The following CLSTN2 variants were observed in gnomAD, a reference collection of about 807,000 sequenced individuals.
CLSTN2 encodes the protein calsyntenin-2.
Under a neutral mutation model 101.2 loss-of-function variants are expected in CLSTN2, and 48 were observed. That is an observed-to-expected ratio of 0.47 (90% CI 0.38 to 0.60). The LOEUF (loss-of-function observed/expected upper bound fraction) is 0.60, where lower values mean the gene tolerates loss of function less well. Among genes scored for constraint, CLSTN2 ranks in the 20% least tolerant of loss-of-function variants. CLSTN2 has a pLI of 0.00. For synonymous variants in CLSTN2, 481 were observed against 463.6 expected (o/e 1.04, Z -0.48); for missense variants, 1,160 against 1,238.2 (o/e 0.94, Z 0.95).
chr3:140,429,691 A>G (rs960835991), intron 5 of CLSTN2, among the ~76,000 whole-genome samples: 1 of 152,158 alleles, frequency 6.6e-6, no homozygotes, highest in Non-Finnish European at 1.5e-5. Context: ...GACTCAGGGG[A>G]GGGAGACCAG....
intron 1 of CLSTN2, among the ~76,000 whole-genome samples, chr3:139,996,392 G>T (rs2006659141): frequency 6.6e-6 from 1 of 151,606 alleles, no homozygotes; most frequent in Non-Finnish European, 1.5e-5. Context: ...AGCATTTGTT[G>T]TTTTTTGTTT....
At position 140,268,090 on chromosome 3, in the gene CLSTN2, G is replaced by A. The variant is rs148874105; in HGVS notation, c.232+92017G>A. The stretch of plus-strand genomic sequence containing the variant: ...AGTGCCAAGCTCTGAGCTTGGAGGC[G>A]AAAAGAGCTATCGGGGTGAACCGCT... On this transcript the variant is annotated intron_variant, in intron 2 of 16. Coordinates refer to ENST00000458420, the MANE Select transcript of CLSTN2 (RefSeq NM_022131.3). 6.2e-4 allele frequency among the ~76,000 whole-genome samples: 95 copies of A among 152,282 alleles called. 1 individual carries two copies. The East Asian group carries it at 0.015, about 23-fold the overall frequency.
intron 1 of CLSTN2, among the ~76,000 whole-genome samples, chr3:140,138,765 A>G (rs893109709): frequency 6.6e-6 from 1 of 152,172 alleles, no homozygotes; most frequent in Non-Finnish European, 1.5e-5. Flanking sequence ...GGCCTTCTAG[A>G]AAAGAGGGAG....
chr3:140,540,241 C>T (rs75258026), intron 9 of CLSTN2, among the ~76,000 whole-genome samples: 3 of 152,078 alleles, frequency 2.0e-5, no homozygotes, highest in Non-Finnish European at 4.4e-5. Context: ...ATTCACTGTA[C>T]TGCTATATAA....
At chr3:140,046,035 G>A (rs568268236) in intron 1 of CLSTN2, among the ~76,000 whole-genome samples, 28 of 152,284 alleles carry the variant, frequency 1.8e-4, no homozygotes, top group African/African-American at 5.1e-4. Context: ...TATTAGGTCC[G>A]CTTGGTGCAG....
At chr3:139,970,336 A>G (rs535114038) in intron 1 of CLSTN2, among the ~76,000 whole-genome samples, 1 of 152,300 alleles carries the variant, frequency 6.6e-6, no homozygotes, top group Non-Finnish European at 1.5e-5. Flanking sequence ...GATGCTCTCC[A>G]TACGCTGCCA....
chr3:140,504,213 T>A (rs532710258), intron 8 of CLSTN2, among the ~76,000 whole-genome samples: 2 of 152,294 alleles, frequency 1.3e-5, no homozygotes, highest in South Asian at 4.1e-4. Context: ...AGTTAACAGA[T>A]GAATGAATGA....
At chr3:140,465,352 A>G (rs1439568014) in intron 7 of CLSTN2, among the ~76,000 whole-genome samples, 1 of 152,218 alleles carries the variant, frequency 6.6e-6, no homozygotes, top group Non-Finnish European at 1.5e-5. Flanking sequence ...GAAGGAAAGT[A>G]TCTCTTCTGT....
intron 8 of CLSTN2, among the ~76,000 whole-genome samples, chr3:140,513,583 C>CTTTTTTTTTTTTTT (rs55778787): frequency 2.7e-4 from 32 of 117,756 alleles, no homozygotes; most frequent in East Asian, 4.8e-4. Context: ...TTTTTTCTTT[C>CTTTTTTTTTTTTTT]TTTTTTTTTT....
chr3:140,318,736 C>T (rs2107922110), intron 2 of CLSTN2, among the ~76,000 whole-genome samples: 1 of 152,272 alleles, frequency 6.6e-6, no homozygotes, highest in South Asian at 2.1e-4. Flanking sequence ...CCAGTCTGTG[C>T]TGGGAGATCT....
chr3:140,020,210 G>T (rs1332080763), intron 1 of CLSTN2, among the ~76,000 whole-genome samples: 1 of 152,186 alleles, frequency 6.6e-6, no homozygotes, highest in Non-Finnish European at 1.5e-5. Context: ...TGGTAATGCT[G>T]AGAAGCGAAC....
chr3:140,078,700 A>C (rs1183850349), intron 1 of CLSTN2, among the ~76,000 whole-genome samples: 4 of 152,206 alleles, frequency 2.6e-5, no homozygotes, highest in African/African-American at 9.7e-5. Flanking sequence ...AGAAAAGGAA[A>C]ACGGTGCAGG....
At chr3:140,262,810 A>C (rs1035237789) in intron 2 of CLSTN2, among the ~76,000 whole-genome samples, 2 of 152,186 alleles carry the variant, frequency 1.3e-5, no homozygotes, top group South Asian at 2.1e-4. Context: ...CAGATTCTCC[A>C]GTAGAATGTT....
At chr3:140,211,427 G>GTATATA (rs879873578) in intron 2 of CLSTN2, among the ~76,000 whole-genome samples, 15 of 20,390 alleles carry the variant, frequency 7.4e-4, no homozygotes, top group Admixed American at 2.4e-3. Context: ...CACACACACA[G>GTATATA]TATATATATA....
intron 2 of CLSTN2, among the ~76,000 whole-genome samples, chr3:140,300,962 G>A (rs1484562413): frequency 6.6e-6 from 1 of 152,134 alleles, no homozygotes; most frequent in Non-Finnish European, 1.5e-5. Context: ...GACCAGAGGT[G>A]CTGATGATGT....
chr3:140,225,598 A>ACT (rs2086311621), intron 2 of CLSTN2, among the ~76,000 whole-genome samples: 15 of 152,160 alleles, frequency 9.9e-5, no homozygotes, highest in Admixed American at 6.5e-4. Context: ...CCCGGGTTCA[A>ACT]GTGATTCTTC....
chr3:140,007,436 G>C (rs889964350), intron 1 of CLSTN2, among the ~76,000 whole-genome samples: 1 of 152,182 alleles, frequency 6.6e-6, no homozygotes, highest in Non-Finnish European at 1.5e-5. Flanking sequence ...GCTGCATTTC[G>C]ACGGGGCAGC....
chr3:140,474,271 C>T (rs1933927745), intron 8 of CLSTN2, among the ~76,000 whole-genome samples: 2 of 152,096 alleles, frequency 1.3e-5, no homozygotes, highest in African/African-American at 2.4e-5. Context: ...CTCTTCTGTA[C>T]ACCAGTGTAT....
chr3:140,505,761 C>G (rs898808453), intron 8 of CLSTN2: 1 of 152,170 alleles, frequency 6.6e-6, no homozygotes, highest in Admixed American at 6.5e-5. Flanking sequence ...CCTCTGTTCT[C>G]CTAGAGACAG....
Sources: allele counts gnomAD v4.1 joint callset (sites outside exome capture counted in the v4.1 genomes callset), GRCh38; gene constraint gnomAD v4.1.1; transcripts MANE v1.5; gene names NCBI Gene and HGNC (gene_info 2026-07-23, HGNC 2026-07-21).